Variants in UNKL observed in about 807,000 individuals in gnomAD.
UNKL encodes the protein putative E3 ubiquitin-protein ligase UNKL.
In UNKL, 60 loss-of-function variants were observed where a neutral mutation model predicts 78.0. The observed-to-expected ratio is 0.77, with a 90% CI of 0.63 to 0.95. UNKL has a LOEUF of 0.95. Ranked by LOEUF, UNKL falls within the 40% of genes least tolerant of loss-of-function variation. UNKL has a pLI of 0.00. For synonymous variants in UNKL, 608 were observed against 474.8 expected (o/e 1.28, Z -3.65); for missense variants, 1,159 against 1,045.7 (o/e 1.11, Z -1.49).
At chr16:1,404,354 C>T (rs1217038588) in intron 2 of UNKL, among the ~76,000 whole-genome samples, 1 of 152,190 alleles carries the variant, frequency 6.6e-6, no homozygotes, top group South Asian at 2.1e-4. Context: ...GGAGCTCCAG[C>T]CAGGGATGGC....
chr16:1,369,378 T>A (rs931601607), intron 12 of UNKL, among the ~76,000 whole-genome samples: 2 of 151,412 alleles, frequency 1.3e-5, no homozygotes, highest in Non-Finnish European at 1.5e-5. Flanking sequence ...TTTTCTCTTT[T>A]TTTTTTTTGA....
In UNKL at chr16:1,371,537, G is replaced by T. The variant is rs1256959589; in HGVS notation, c.1339C>A (p.His447Asn). Reference protein sequence around the residue: ...LEKDLEEQDGHDLGAAGPRSL... With the variant: ...LEKDLEEQDGNDLGAAGPRSL... ...CCCTCACCTGCTGCTCCCAGGTCGTGGCCGTCTTGCTCTTCCAGGTCCTTC... is the reference window on the plus strand; with the variant it reads ...CCCTCACCTGCTGCTCCCAGGTCGTTGCCGTCTTGCTCTTCCAGGTCCTTC... Residue 447 changes from histidine to asparagine, a missense_variant, in exon 11 of 15, where the codon CAC becomes AAC. His to Asn is a moderately conservative substitution (Grantham distance 68). Coordinates refer to ENST00000389221, the MANE Select transcript of UNKL (RefSeq NM_001372107.1). 1 of 1,536,084 alleles carries T rather than the reference G, an allele frequency of 6.5e-7. No individual in the cohort carries two copies. The highest frequency in any genetic ancestry group is 1.4e-5 in the African/African-American group (1 of 73,048).
At chr16:1,401,300 C>G (rs889266992) in intron 4 of UNKL, 1 of 374,382 alleles carries the variant, frequency 2.7e-6, no homozygotes, top group African/African-American at 2.1e-5. Context: ...GCTACCTCCT[C>G]GGCCACTTGG....
chr16:1,412,986 A>C (rs1596788565), intron 2 of UNKL, among the ~76,000 whole-genome samples: 1 of 151,740 alleles, frequency 6.6e-6, no homozygotes, highest in Non-Finnish European at 1.5e-5. Flanking sequence ...AGTGGCTCAC[A>C]CCTGGAATCC....
At chr16:1,395,876 CAT>C (rs1567227461) in intron 6 of UNKL, 5 of 417,854 alleles carry the variant, frequency 1.2e-5, no homozygotes, top group Admixed American at 1.0e-4. Flanking sequence ...TCTGTGACAA[CAT>C]GAGTCAAGAA....
chr16:1,398,393 A>G (rs1246194244), intron 5 of UNKL: 4 of 1,025,386 alleles, frequency 3.9e-6, no homozygotes, highest in African/African-American at 1.7e-5. Flanking sequence ...TTTTCTTTCC[A>G]TGACGGGCGA....
At chr16:1,392,616 G>C (rs1025234738) in intron 8 of UNKL, among the ~76,000 whole-genome samples, 1 of 152,080 alleles carries the variant, frequency 6.6e-6, no homozygotes, top group South Asian at 2.1e-4. Flanking sequence ...TGTATTTTTA[G>C]TAGAGATGGA....
At chr16:1,390,754 AT>A in intron 8 of UNKL, 60 bp from the exon 9 acceptor site, 1 of 1,524,182 alleles carries the variant, frequency 6.6e-7, no homozygotes, top group Non-Finnish European at 8.8e-7. Flanking sequence ...AATTAAAAAC[AT>A]ACAATTCAGG....
chr16:1,388,312 C>T (rs1451250570), intron 9 of UNKL, among the ~76,000 whole-genome samples: 1 of 152,184 alleles, frequency 6.6e-6, no homozygotes, highest in Non-Finnish European at 1.5e-5. Context: ...GGCTGACCCT[C>T]GGCTGGGACA....
chr16:1,369,977 G>A (rs1206054889), intron 12 of UNKL, 153 bp downstream of exon 12: 5 of 1,550,726 alleles, frequency 3.2e-6, no homozygotes, highest in Middle Eastern at 3.3e-4. Flanking sequence ...TCGGTCTGCG[G>A]CGTGGGGGAA....
chr16:1,389,993 T>G (rs914796828), intron 9 of UNKL, among the ~76,000 whole-genome samples: 13 of 152,116 alleles, frequency 8.5e-5, no homozygotes, highest in Non-Finnish European at 1.6e-4. Context: ...CATTCATTCA[T>G]TCATTCATTC....
rs544382291 is a variant in UNKL at position 1,385,083 on chromosome 16, C to T, written c.1264+125G>A. ...AAAGTGACAGATGACTGAAAATACG[C>T]GTCTGGCTTCTCTACAAAAATGACG... is the stretch of plus-strand genomic sequence containing the variant. On this transcript the variant is annotated intron_variant, in intron 10 of 14. Coordinates refer to ENST00000389221, the MANE Select transcript of UNKL (RefSeq NM_001372107.1). The T allele has an allele frequency of 4.1e-5, 31 of 761,360 alleles. 1 individual carries two copies. The Middle Eastern group carries it at 1.3e-3, about 33-fold the overall frequency. 47.2% of individuals were successfully genotyped at this position (761,360 alleles called of 1,614,324 possible). A position where few individuals can be genotyped will look rare whatever the true frequency, so the allele number is the denominator to read the frequency against.
In UNKL at chr16:1,366,211, C is replaced by T; in HGVS notation, c.*29G>A. 1 of 1,486,448 alleles carries T rather than the reference C, an allele frequency of 6.7e-7. No individual in the cohort carries two copies. Among genetic ancestry groups the T allele is most frequent in the Non-Finnish European group, 9.0e-7 (1 of 1,109,582 alleles). The allele number at this position is 1,486,448 out of a possible 1,614,324, so 92.1% of individuals were successfully genotyped here. A position where few individuals can be genotyped will look rare whatever the true frequency, so the allele number is the denominator to read the frequency against. ...AGGAGGAGCGCTGGAGCCAGGGTGC[C>T]CAGCAGGAGGTGGCTGTCCCCGCTG... On this transcript the variant is annotated 3_prime_UTR_variant, in exon 15 of 15. Transcript: ENST00000389221.
intron 4 of UNKL, 44 bp downstream of exon 4, chr16:1,401,524 C>T (rs1234992334): frequency 1.4e-6 from 2 of 1,404,166 alleles, no homozygotes; most frequent in Non-Finnish European, 1.9e-6. Flanking sequence ...TCGCGCTGTG[C>T]CCGCCCCCCC....
chr16:1,379,143 G>A (rs1031719431), intron 10 of UNKL: 2 of 152,270 alleles, frequency 1.3e-5, no homozygotes, highest in African/African-American at 4.8e-5. Flanking sequence ...GGTCCCCCGG[G>A]GTCAGGGACA....
chr16:1,379,882 G>A (rs1441672849), intron 10 of UNKL, among the ~76,000 whole-genome samples: 2 of 152,190 alleles, frequency 1.3e-5, no homozygotes, highest in African/African-American at 2.4e-5. Flanking sequence ...AGGTCTTCAG[G>A]CAGAAAGCCC....
intron 10 of UNKL, among the ~76,000 whole-genome samples, chr16:1,380,091 G>A (rs2142060922): frequency 6.6e-6 from 1 of 152,366 alleles, no homozygotes; most frequent in East Asian, 1.9e-4. Flanking sequence ...CTAAACGCGG[G>A]GTACGGAGCT....
chr16:1,414,517 G>C (rs1238960317), intron 1 of UNKL, 98 bp downstream of exon 1: 9 of 267,282 alleles, frequency 3.4e-5, no homozygotes, highest in African/African-American at 4.6e-5. Context: ...CGCGGAGGCC[G>C]GGGGGCGCGG....
Position 1,370,186 on chromosome 16 carries a change from G to T in UNKL, c.1529C>A (p.Pro510His). Residue 510 changes from proline to histidine, a missense_variant, in exon 12 of 15, where the codon CCC becomes CAC. Physicochemically the swap from Pro to His is moderately conservative, Grantham distance 77. Transcript: ENST00000389221. ...CAGTGTGCCCGGCTCTGAACGCAGG[G>T]GTGGCGGCTGCTGGGGAGGCGTCAT... ...SAMTPPQQPP[P>H]LRSEPGTLGS... The T allele has an allele frequency of 3.9e-6, 6 of 1,519,530 alleles. No individual in the cohort carries two copies. Among genetic ancestry groups the T allele is most frequent in the Non-Finnish European group, 5.3e-6 (6 of 1,129,398 alleles). 94.1% of individuals were successfully genotyped at this position (1,519,530 alleles called of 1,614,324 possible). A position where few individuals can be genotyped will look rare whatever the true frequency, so the allele number is the denominator to read the frequency against.
Sources: gnomAD v4.1 joint callset for allele counts (sites outside exome capture counted in the v4.1 genomes callset) on GRCh38, gnomAD v4.1.1 for gene constraint, MANE v1.5 for transcripts, NCBI Gene and HGNC (gene_info 2026-07-23, HGNC 2026-07-21) for gene names.